SLC24A2: variants seen among roughly 807,000 people sequenced by gnomAD.
The protein encoded by SLC24A2 is solute carrier family 24 member 2, also known as sodium/potassium/calcium exchanger 2.
A neutral mutation model predicts 62.0 loss-of-function variants in SLC24A2; 36 were observed. The ratio of observed to expected loss-of-function variants is 0.58; its 90% confidence interval spans 0.44 to 0.77. The LOEUF (loss-of-function observed/expected upper bound fraction) is 0.77, where lower values mean the gene tolerates loss of function less well. SLC24A2 is among the 30% of genes least tolerant of loss of function. SLC24A2 has a pLI of 0.00. For missense variants in SLC24A2, 846 were observed against 817.9 expected (o/e 1.03, Z -0.42); for synonymous variants, 358 against 294.0 (o/e 1.22, Z -2.23).
intron 6 of SLC24A2, among the ~76,000 whole-genome samples, chr9:19,576,402 C>T (rs1836013134): frequency 1.3e-5 from 2 of 152,166 alleles, no homozygotes; most frequent in South Asian, 4.1e-4. Flanking sequence ...GCTGTTACTG[C>T]TGAATTCTTA....
At chr9:20,246,565 G>T in the SLC24A2 span, among the ~76,000 whole-genome samples, 1 of 152,214 alleles carries the variant, frequency 6.6e-6, no homozygotes, top group African/African-American at 2.4e-5. Context: ...AGTCATTTGT[G>T]TTGATAGAAT....
chr9:20,001,927 T>TA, the SLC24A2 span, among the ~76,000 whole-genome samples: 1 of 152,194 alleles, frequency 6.6e-6, no homozygotes, highest in Non-Finnish European at 1.5e-5. Context: ...GGAAAATATG[T>TA]AAGTCCACAT....
the SLC24A2 span, among the ~76,000 whole-genome samples, chr9:19,889,057 G>A: frequency 6.6e-6 from 1 of 152,186 alleles, no homozygotes; most frequent in African/African-American, 2.4e-5. Flanking sequence ...ATCAGTGTGA[G>A]CTAGCACAGT....
At chr9:19,964,047 T>C in the SLC24A2 span, among the ~76,000 whole-genome samples, 16 of 151,886 alleles carry the variant, frequency 1.1e-4, no homozygotes, top group Middle Eastern at 3.4e-3. Flanking sequence ...CCATAAAAAA[T>C]GATGAGTTCA....
At chr9:19,595,697 T>C (rs1415094943) in intron 5 of SLC24A2, among the ~76,000 whole-genome samples, 1 of 151,890 alleles carries the variant, frequency 6.6e-6, no homozygotes, top group Non-Finnish European at 1.5e-5. Context: ...CTCAGATGAA[T>C]GTGAGAAGAG....
At chr9:19,905,084 A>G in the SLC24A2 span, among the ~76,000 whole-genome samples, 2 of 152,292 alleles carry the variant, frequency 1.3e-5, no homozygotes, top group African/African-American at 2.4e-5. Flanking sequence ...CTCTCAATTA[A>G]TAGATAAAGT....
At chr9:20,183,971 G>C in the SLC24A2 span, among the ~76,000 whole-genome samples, 1 of 152,194 alleles carries the variant, frequency 6.6e-6, no homozygotes, top group Non-Finnish European at 1.5e-5. Context: ...GAGTGATTGA[G>C]AGAAATACAA....
chr9:19,873,554 C>CTTTCTT, the SLC24A2 span, among the ~76,000 whole-genome samples: 4 of 136,850 alleles, frequency 2.9e-5, no homozygotes, highest in African/African-American at 1.0e-4. Context: ...TTCTTTCTTT[C>CTTTCTT]TCTCTCTCTC....
At chr9:20,222,533 T>C in the SLC24A2 span, among the ~76,000 whole-genome samples, 1 of 152,084 alleles carries the variant, frequency 6.6e-6, no homozygotes, top group East Asian at 1.9e-4. Flanking sequence ...TTGTATCACA[T>C]TGATTCAAAA....
At chr9:20,107,805 A>T in the SLC24A2 span, among the ~76,000 whole-genome samples, 10 of 152,164 alleles carry the variant, frequency 6.6e-5, no homozygotes, top group Admixed American at 3.3e-4. Context: ...CATGTCTAAA[A>T]CACCAAAAGC....
At chr9:20,298,696 G>A in the SLC24A2 span, among the ~76,000 whole-genome samples, 4 of 152,208 alleles carry the variant, frequency 2.6e-5, no homozygotes, top group African/African-American at 9.7e-5. Context: ...ACTACACTAA[G>A]TGCTTTGTAT....
chr9:20,118,356 T>C, the SLC24A2 span, among the ~76,000 whole-genome samples: 1 of 152,094 alleles, frequency 6.6e-6, no homozygotes, highest in Non-Finnish European at 1.5e-5. Flanking sequence ...TCTGAACAAT[T>C]TAAGTTTAAT....
At chr9:19,770,480 T>A (rs575818577) in intron 2 of SLC24A2, among the ~76,000 whole-genome samples, 1 of 152,342 alleles carries the variant, frequency 6.6e-6, no homozygotes, top group East Asian at 1.9e-4. Flanking sequence ...CTTGAAATCA[T>A]TTTAATCTAC....
At chr9:19,956,732 C>T in the SLC24A2 span, among the ~76,000 whole-genome samples, 1 of 152,184 alleles carries the variant, frequency 6.6e-6, no homozygotes, top group Non-Finnish European at 1.5e-5. Context: ...TACCTCCCAC[C>T]AGATTCCTCC....
At chr9:19,989,807 G>A in the SLC24A2 span, among the ~76,000 whole-genome samples, 5 of 152,296 alleles carry the variant, frequency 3.3e-5, no homozygotes, top group South Asian at 4.1e-4. Flanking sequence ...AAGTGCATGG[G>A]CTTTGTAACG....
the SLC24A2 span, among the ~76,000 whole-genome samples, chr9:20,233,427 A>T: frequency 6.6e-6 from 1 of 152,192 alleles, no homozygotes; most frequent in Non-Finnish European, 1.5e-5. Context: ...GGGTGCATAT[A>T]TATTTAGGAT....
intron 7 of SLC24A2, among the ~76,000 whole-genome samples, chr9:19,554,881 G>A (rs916130192): frequency 6.6e-6 from 1 of 152,190 alleles, no homozygotes; most frequent in Non-Finnish European, 1.5e-5. Flanking sequence ...AGAAACTGAT[G>A]ACTGATGGCA....
intron 7 of SLC24A2, among the ~76,000 whole-genome samples, chr9:19,565,686 G>A (rs1463569182): frequency 1.3e-5 from 2 of 152,158 alleles, no homozygotes; most frequent in Non-Finnish European, 1.5e-5. Context: ...AACAAAGCTG[G>A]AGGCATCAGG....
At chr9:20,088,999 C>T in the SLC24A2 span, among the ~76,000 whole-genome samples, 1 of 152,206 alleles carries the variant, frequency 6.6e-6, no homozygotes, top group Admixed American at 6.5e-5. Context: ...ATGTGGGTCC[C>T]TGATCCCATA....
Sources: gnomAD v4.1 joint callset for allele counts (sites outside exome capture counted in the v4.1 genomes callset) on GRCh38, gnomAD v4.1.1 for gene constraint, MANE v1.5 for transcripts, NCBI Gene and HGNC (gene_info 2026-07-23, HGNC 2026-07-21) for gene names.